Variants in TEX15 observed in about 807,000 individuals in gnomAD.
TEX15 encodes the protein testis expressed 15, meiosis and synapsis associated.
A neutral mutation model predicts 237.3 loss-of-function variants in TEX15; 171 were observed. That is an observed-to-expected ratio of 0.72 (90% CI 0.64 to 0.82). The LOEUF (loss-of-function observed/expected upper bound fraction) is 0.82, where lower values mean the gene tolerates loss of function less well. TEX15 is among the 40% of genes least tolerant of loss of function. The pLI is 0.00. For missense variants in TEX15, 3,750 were observed against 3,646.5 expected (o/e 1.03, Z -0.73); for synonymous variants, 1,338 against 1,269.8 (o/e 1.05, Z -1.14).
intron 10 of TEX15, among the ~76,000 whole-genome samples, chr8:30,834,991 T>C (rs1042267335): frequency 6.6e-6 from 1 of 152,168 alleles, no homozygotes; most frequent in Non-Finnish European, 1.5e-5. Flanking sequence ...AGAAATTCTC[T>C]GGGCCTGATG....
chr8:30,875,170 C>T, intron 3 of TEX15, 68 bp from the exon 4 acceptor site: 1 of 1,033,992 alleles, frequency 9.7e-7, no homozygotes. Context: ...ACAATGACAA[C>T]TGTATCTCTA....
rs1291518574 is a variant in TEX15 at position 30,844,037 on chromosome 8, G to A, written c.6130C>T (p.Gln2044Ter). The change falls in exon 8 of 11, where the codon CAA (glutamine) becomes TAA (stop). Residue 2044 changes from glutamine (Q) to a stop codon, truncating the protein, a stop_gained. Coordinates refer to ENST00000643185, the MANE Select transcript of TEX15 (RefSeq NM_001350162.2). LOFTEE classifies it high-confidence loss of function. ...FERKQECSVE[Q>*]ILISRELLVD... is the part of the protein sequence containing the mutation. Reference sequence around the variant, plus strand: ...AACAGTTCTCTTGAAATCAGGATTTGTTCAACTGAACATTCTTGCTTTCTT... The same window carrying A: ...AACAGTTCTCTTGAAATCAGGATTTATTCAACTGAACATTCTTGCTTTCTT... 6.2e-7 allele frequency: 1 copy of A among 1,611,446 alleles called. No individual in the cohort carries two copies. The highest frequency in any genetic ancestry group is 2.2e-5 in the East Asian group (1 of 44,874).
intron 7 of TEX15, among the ~76,000 whole-genome samples, chr8:30,853,247 A>G (rs1039479045): frequency 3.3e-5 from 5 of 152,192 alleles, no homozygotes; most frequent in Admixed American, 2.0e-4. Flanking sequence ...TAAAATCGTC[A>G]AGGAAAGAGA....
intron 1 of TEX15, among the ~76,000 whole-genome samples, chr8:30,904,688 G>A: frequency 6.6e-6 from 1 of 152,116 alleles, no homozygotes; most frequent in East Asian, 1.9e-4. Context: ...TCAATGAGGT[G>A]TGCATGACGT....
At chr8:30,857,775 G>A (rs1318783860) in intron 7 of TEX15, among the ~76,000 whole-genome samples, 1 of 152,174 alleles carries the variant, frequency 6.6e-6, no homozygotes, top group African/African-American at 2.4e-5. Context: ...TAAGTTTGGT[G>A]AGGATACAAA....
In TEX15 at chr8:30,839,981, C is replaced by T. The variant is rs73672570; in HGVS notation, c.8164-17G>A. The stretch of plus-strand genomic sequence containing the variant: ...CATGTCTACCTGTGTTTAAAAGATA[C>T]AAAGAAAATCTTCATTAGTGATGAC... On this transcript the variant is annotated splice_polypyrimidine_tract_variant and intron_variant, in intron 8 of 10. Transcript: ENST00000643185. 3,477 of 1,513,164 alleles carry T rather than the reference C, an allele frequency of 2.3e-3. 10 individuals are homozygous for T. Among genetic ancestry groups the T allele is most frequent in the Middle Eastern group, 0.021 (122 of 5,706 alleles). The allele number at this position is 1,513,164 out of a possible 1,614,324, so 93.7% of individuals were successfully genotyped here.
At chr8:30,911,562 A>G (rs1424196309) in intron 1 of TEX15, among the ~76,000 whole-genome samples, 3 of 152,232 alleles carry the variant, frequency 2.0e-5, no homozygotes, top group African/African-American at 7.2e-5. Context: ...ATACTTTGAA[A>G]CAGCCCCATA....
chr8:30,843,402 G>C lies in TEX15; in HGVS notation c.6765C>G (p.Asn2255Lys). The change falls in exon 8 of 11, where the codon AAC becomes AAG. Residue 2255 changes from asparagine to lysine, a missense_variant. Coordinates refer to ENST00000643185, the MANE Select transcript of TEX15 (RefSeq NM_001350162.2). ...ISSKVNFIKN[N>K]EAVRVKISLY... ...GAGATATTTTAACACGTACTGCCTC[G>C]TTGTTCTTAATAAAATTAACCTTTG... is the stretch of plus-strand genomic sequence containing the variant. 6.2e-7 allele frequency: 1 copy of C among 1,612,914 alleles called. No individual in the cohort carries two copies. Among genetic ancestry groups the C allele is most frequent in the Non-Finnish European group, 8.5e-7 (1 of 1,179,634 alleles).
chr8:30,836,337 C>A (rs1225129793), intron 10 of TEX15, among the ~76,000 whole-genome samples: 1 of 150,836 alleles, frequency 6.6e-6, no homozygotes, highest in Non-Finnish European at 1.5e-5. Context: ...CCTCAGCCTC[C>A]TGGGTAGCTG....
chr8:30,850,879 T>TA (rs750104758), intron 7 of TEX15, among the ~76,000 whole-genome samples: 59 of 151,948 alleles, frequency 3.9e-4, no homozygotes, highest in Non-Finnish European at 6.2e-4. Flanking sequence ...AAAAAATAGG[T>TA]AAAATTGTCA....
rs897211486 is a variant in TEX15 at position 30,912,986 on chromosome 8, C to A, written c.-193G>T. On this transcript the variant is annotated 5_prime_UTR_variant, in exon 1 of 11. Coordinates refer to ENST00000643185, the MANE Select transcript of TEX15 (RefSeq NM_001350162.2). ...AGCCTCAGGAACACAGCAGCACCCC[C>A]CAGCGAGGTGCGCACAGTGAGCAGG... 1.3e-5 allele frequency: 2 copies of A among 152,466 alleles called. No homozygotes were observed. Among genetic ancestry groups the A allele is most frequent in the Admixed American group, 6.5e-5 (1 of 15,292 alleles). 9.4% of individuals were successfully genotyped at this position (152,466 alleles called of 1,614,324 possible).
chr8:30,860,260 T>C (rs1159949740), intron 5 of TEX15, among the ~76,000 whole-genome samples: 1 of 151,946 alleles, frequency 6.6e-6, no homozygotes, highest in African/African-American at 2.4e-5. Context: ...TAGCTGGGAC[T>C]ACAGGTAAGC....
chr8:30,845,832 A>G lies in TEX15; in HGVS notation c.4335T>C (p.His1445=). The change falls in exon 8 of 11, where the codon CAT becomes CAC. Residue 1445 remains histidine, a synonymous_variant. Transcript: ENST00000643185. ...VSQRKYYSTK[H]FSSKRKYDKR... is the part of the protein sequence containing the mutation. ...TGTCATATTTTCTTTTTGACGAAAA[A>G]TGCTTAGTAGAATAATATTTTCTTT... The G allele has an allele frequency of 2.5e-6, 4 of 1,608,868 alleles. No homozygotes were observed. Among genetic ancestry groups the G allele is most frequent in the Non-Finnish European group, 3.4e-6 (4 of 1,178,678 alleles).
intron 3 of TEX15, among the ~76,000 whole-genome samples, chr8:30,885,122 T>C (rs1047456469): frequency 8.5e-5 from 13 of 152,134 alleles, no homozygotes; most frequent in South Asian, 2.1e-4. Flanking sequence ...ATTTGGGTAT[T>C]TTCCAGCTAT....
In TEX15 at chr8:30,845,263, C is replaced by T. The variant is rs968126224; in HGVS notation, c.4904G>A (p.Cys1635Tyr). 2 of 1,613,454 alleles carry T rather than the reference C, an allele frequency of 1.2e-6. No individual in the cohort carries two copies. The highest frequency in any genetic ancestry group is 2.2e-5 in the South Asian group (2 of 91,032). ...TGTGTGACCTATGCAAGTTGCATCA[C>T]AATCGTTGCCTGTACTAGAATTTAT... is the stretch of plus-strand genomic sequence containing the variant. ...ENINSSTGNDCDATCIGHTKA... is the reference protein window; with the variant it reads ...ENINSSTGNDYDATCIGHTKA... Residue 1635 changes from cysteine (C) to tyrosine (Y), a missense_variant, in exon 8 of 11, where the codon TGT (cysteine) becomes TAT (tyrosine). Coordinates refer to ENST00000643185, the MANE Select transcript of TEX15 (RefSeq NM_001350162.2).
intron 7 of TEX15, among the ~76,000 whole-genome samples, chr8:30,850,259 T>C (rs1807748530): frequency 6.6e-6 from 1 of 152,090 alleles, no homozygotes; most frequent in Non-Finnish European, 1.5e-5. Flanking sequence ...AAGCAAACTT[T>C]TAAAATAATT....
Position 30,837,041 on chromosome 8 carries a change from TG to T in TEX15, c.9242del (p.Ala3081GlufsTer32). ...PSPSGLLTTV[A>X]STAQGTHSNL... ...TAGAATGTGTGCCCTGGGCAGTACT[TG>T]CAACTGTGGTCAACAGCCCAGAAGG... On this transcript the variant is annotated frameshift_variant, in exon 10 of 11. Coordinates refer to ENST00000643185, the MANE Select transcript of TEX15 (RefSeq NM_001350162.2). LOFTEE classifies it high-confidence loss of function. The T allele has an allele frequency of 6.2e-7, 1 of 1,614,182 alleles. No homozygotes were observed. The highest frequency in any genetic ancestry group is 8.5e-7 in the Non-Finnish European group (1 of 1,180,032).
At position 30,849,072 on chromosome 8, in the gene TEX15, T is replaced by C; in HGVS notation, c.1095A>G (p.Leu365=). 6.2e-7 allele frequency: 1 copy of C among 1,613,868 alleles called. No homozygotes were observed. Among genetic ancestry groups the C allele is most frequent in the Non-Finnish European group, 8.5e-7 (1 of 1,179,946 alleles). ...ETYSGQTEHS[L]AEIRDTSQVL... Reference sequence around the variant, plus strand: ...CTTGAGAAGTGTCTCTAATTTCTGCTAAACTGTGCTCTGTCTGTCCACTGT... The same window carrying C: ...CTTGAGAAGTGTCTCTAATTTCTGCCAAACTGTGCTCTGTCTGTCCACTGT... Residue 365 remains leucine, a synonymous_variant, in exon 8 of 11, where the codon TTA becomes TTG. Transcript: ENST00000643185.
chr8:30,862,507 T>C (rs1808071976), intron 5 of TEX15, among the ~76,000 whole-genome samples: 1 of 152,188 alleles, frequency 6.6e-6, no homozygotes, highest in Non-Finnish European at 1.5e-5. Context: ...CAAAAAACTC[T>C]GTGGTTACTG....
Sources: gnomAD v4.1 joint callset for allele counts (sites outside exome capture counted in the v4.1 genomes callset) on GRCh38, gnomAD v4.1.1 for gene constraint, MANE v1.5 for transcripts, NCBI Gene and HGNC (gene_info 2026-07-23, HGNC 2026-07-21) for gene names.